The following DPH6 variants were observed in gnomAD, a reference collection of about 807,000 sequenced individuals.
DPH6 encodes diphthine--ammonia ligase.
A neutral mutation model predicts 38.2 loss-of-function variants in DPH6; 33 were observed. The observed-to-expected ratio is 0.86, with a 90% CI of 0.65 to 1.15. The LOEUF is 1.15. Ranked by LOEUF, DPH6 falls within the 50% of genes most tolerant of loss-of-function variation. The pLI, the probability that DPH6 is intolerant of heterozygous loss-of-function variation, is 0.00. For missense variants in DPH6, 325 were observed against 320.0 expected, an observed-to-expected ratio of 1.02 and a Z score of -0.12; for synonymous variants, 108 against 103.0, an observed-to-expected ratio of 1.05 and a Z score of -0.30.
Position 35,418,864 on chromosome 15 carries a change from C to T in DPH6, c.506-7968G>A, listed in dbSNP as rs72703198. Among the ~76,000 whole-genome samples the T allele has an allele frequency of 1.8e-3, 268 of 152,154 alleles. 1 individual carries two copies. The highest frequency in any genetic ancestry group is 4.2e-3 in the East Asian group (22 of 5,190). ...AGACATCACAAAATGGTTAACAATGCTATTTTTAAGAGTCAAGTAAAGTGA... is the reference window on the plus strand; with the variant it reads ...AGACATCACAAAATGGTTAACAATGTTATTTTTAAGAGTCAAGTAAAGTGA... On this transcript the variant is annotated intron_variant, in intron 5 of 8. Coordinates refer to ENST00000256538, the MANE Select transcript of DPH6 (RefSeq NM_080650.4).
chr15:35,261,266 T>TA (rs1397957350), intron 3 of DPH6, among the ~76,000 whole-genome samples: 1 of 152,172 alleles, frequency 6.6e-6, no homozygotes, highest in East Asian at 1.9e-4. Context: ...ATCACACCAT[T>TA]CTCTTTGCTG....
At chr15:35,218,708 G>A (rs1470247873) in exon 4 of DPH6, 1 of 151,864 alleles carries the variant, frequency 6.6e-6, no homozygotes, top group African/African-American at 2.4e-5. Flanking sequence ...TGAAACGTGA[G>A]ATCTTTTGTT....
rs575419252 is a variant in DPH6 at position 35,505,168 on chromosome 15, T to C, written c.312+33106A>G. 1.0e-3 allele frequency among the ~76,000 whole-genome samples: 152 copies of C among 152,254 alleles called. 1 individual carries two copies. Among genetic ancestry groups the C allele is most frequent in the Admixed American group, 3.0e-3 (46 of 15,272 alleles). ...CAACTGCGTATAAGTGTTAGGTAGA[T>C]TGAAGCTGTTTCAGCTTCAAGTGTG... On this transcript the variant is annotated intron_variant, in intron 3 of 8. Transcript: ENST00000256538.
At chr15:35,175,414 C>T in the DPH6 span, among the ~76,000 whole-genome samples, 1 of 152,196 alleles carries the variant, frequency 6.6e-6, no homozygotes, top group Non-Finnish European at 1.5e-5. Flanking sequence ...CCCTCGTGAG[C>T]TGTTTACATG....
intron 5 of DPH6, among the ~76,000 whole-genome samples, chr15:35,428,097 C>A (rs528795041): frequency 1.3e-5 from 2 of 151,814 alleles, no homozygotes; most frequent in South Asian, 2.1e-4. Context: ...GAAAGCCACA[C>A]GAGTTTAATT....
intron 3 of DPH6, among the ~76,000 whole-genome samples, chr15:35,293,512 A>T (rs2051993419): frequency 6.6e-6 from 1 of 152,206 alleles, no homozygotes; most frequent in African/African-American, 2.4e-5. Context: ...TTCTGGCCAC[A>T]AGGGCACCAT....
Position 35,542,463 on chromosome 15 carries a change from G to A in DPH6, c.68C>T (p.Ala23Val). ...SCYNMMQCIA[A>V]GHQIVALANL... is the part of the protein sequence containing the mutation. ...TGCTAAAGCAACGATCTGATGCCCA[G>A]CAGCAATGCACTGCATCATATTATA... Residue 23 changes from alanine (A) to valine (V), a missense_variant, in exon 2 of 9, where the codon GCT becomes GTT. Ala to Val is a moderately conservative substitution (Grantham distance 64). Transcript: ENST00000256538. 3 of 1,580,978 alleles carry A rather than the reference G, an allele frequency of 1.9e-6. No homozygotes were observed. The highest frequency in any genetic ancestry group is 2.6e-6 in the Non-Finnish European group (3 of 1,154,310).
At chr15:35,421,331 T>C (rs906980123) in intron 5 of DPH6, among the ~76,000 whole-genome samples, 1 of 152,232 alleles carries the variant, frequency 6.6e-6, no homozygotes, top group African/African-American at 2.4e-5. Flanking sequence ...TGAGCTGATA[T>C]TTTACTTCTG....
At chr15:35,151,231 T>G in the DPH6 span, among the ~76,000 whole-genome samples, 1 of 152,348 alleles carries the variant, frequency 6.6e-6, no homozygotes, top group East Asian at 1.9e-4. Context: ...ATTACAGCAT[T>G]GTTTGTAAAA....
the DPH6 span, among the ~76,000 whole-genome samples, chr15:35,177,600 A>AAAAAATCATC: frequency 7.4e-6 from 1 of 134,414 alleles, no homozygotes; most frequent in African/African-American, 2.8e-5. Flanking sequence ...AAAAAAAAAA[A>AAAAAATCATC]ATCATCATCA....
intron 5 of DPH6, among the ~76,000 whole-genome samples, chr15:35,433,544 G>A (rs1170283524): frequency 6.6e-6 from 1 of 152,092 alleles, no homozygotes; most frequent in Non-Finnish European, 1.5e-5. Context: ...AGGTTTTGTA[G>A]GCAAAATTGG....
intron 3 of DPH6, among the ~76,000 whole-genome samples, chr15:35,462,222 T>C (rs1034114071): frequency 1.3e-5 from 2 of 152,100 alleles, no homozygotes; most frequent in African/African-American, 4.8e-5. Context: ...TTACCATAGC[T>C]TCCTAACTGG....
At chr15:35,353,023 G>C (rs1339414546) in intron 3 of DPH6, among the ~76,000 whole-genome samples, 1 of 152,172 alleles carries the variant, frequency 6.6e-6, no homozygotes, top group African/African-American at 2.4e-5. Context: ...GCATTTCTCT[G>C]ATGGCCAGTG....
intron 3 of DPH6, among the ~76,000 whole-genome samples, chr15:35,279,584 G>C (rs2051884965): frequency 1.3e-5 from 2 of 152,008 alleles, no homozygotes; most frequent in African/African-American, 4.8e-5. Context: ...TGGTTTAAAA[G>C]AGTGTGGCAC....
chr15:35,453,918 T>C (rs889934566), intron 4 of DPH6, among the ~76,000 whole-genome samples: 1 of 152,088 alleles, frequency 6.6e-6, no homozygotes, highest in African/African-American at 2.4e-5. Context: ...TCTTATTCTA[T>C]TTATCCTTTT....
intron 3 of DPH6, among the ~76,000 whole-genome samples, chr15:35,324,095 T>A (rs2052262916): frequency 6.6e-6 from 1 of 152,152 alleles, no homozygotes. Flanking sequence ...ATGCCTCAGC[T>A]TCATCATCTG....
intron 3 of DPH6, among the ~76,000 whole-genome samples, chr15:35,352,793 C>T (rs1310102365): frequency 6.6e-6 from 1 of 152,148 alleles, no homozygotes; most frequent in Non-Finnish European, 1.5e-5. Flanking sequence ...TGGGTATATA[C>T]CCAGTAATGG....
intron 3 of DPH6, among the ~76,000 whole-genome samples, chr15:35,496,555 C>CAAAAAAAAAAAAA (rs1180094812): frequency 4.1e-5 from 2 of 49,256 alleles, no homozygotes; most frequent in African/African-American, 1.2e-4. Flanking sequence ...AGTTCCATCT[C>CAAAAAAAAAAAAA]AAAAAAAAAA....
At position 35,516,575 on chromosome 15, in the gene DPH6, A is replaced by C. The variant is rs562130008; in HGVS notation, c.312+21699T>G. On this transcript the variant is annotated intron_variant, in intron 3 of 8. Coordinates refer to ENST00000256538, the MANE Select transcript of DPH6 (RefSeq NM_080650.4). Reference sequence around the variant, plus strand: ...CCTAGAGTCCCCACTTATCCCTCAAAGGCAAAAAACCCACCAACATTTCTT... The same window carrying C: ...CCTAGAGTCCCCACTTATCCCTCAACGGCAAAAAACCCACCAACATTTCTT... 2.0e-5 allele frequency among the ~76,000 whole-genome samples: 3 copies of C among 152,314 alleles called. No individual in the cohort carries two copies. The South Asian group carries it at 6.2e-4, about 32-fold the overall frequency.
Sources: gnomAD v4.1 joint callset for allele counts (sites outside exome capture counted in the v4.1 genomes callset) on GRCh38, gnomAD v4.1.1 for gene constraint, MANE v1.5 for transcripts, NCBI Gene and HGNC (gene_info 2026-07-23, HGNC 2026-07-21) for gene names.